Variants in PTPRD observed in about 807,000 individuals in gnomAD.
PTPRD encodes receptor-type tyrosine-protein phosphatase delta.
PTPRD carries 34 observed loss-of-function variants against 214.5 expected under a neutral mutation model. The ratio of observed to expected loss-of-function variants is 0.16; its 90% CI spans 0.12 to 0.21. The LOEUF is 0.21. PTPRD is among the 10% of genes least tolerant of loss of function. The pLI is 1.00. For missense variants in PTPRD, 2,545 were observed against 2,398.7 expected (o/e 1.06, Z -1.27); for synonymous variants, 1,128 against 845.7 (o/e 1.33, Z -5.79).
chr9:9,701,838 G>A (rs917993148), intron 7 of PTPRD, among the ~76,000 whole-genome samples: 1 of 152,116 alleles, frequency 6.6e-6, no homozygotes, highest in African/African-American at 2.4e-5. Context: ...TAAAGTATTG[G>A]CCAGGTGTGG....
chr9:8,915,866 C>T (rs2098782239), intron 11 of PTPRD, among the ~76,000 whole-genome samples: 1 of 152,196 alleles, frequency 6.6e-6, no homozygotes, highest in Non-Finnish European at 1.5e-5. Flanking sequence ...CTTAGAGATT[C>T]ACCCTGAATA....
At chr9:9,768,549 G>C (rs1035603216) in intron 5 of PTPRD, among the ~76,000 whole-genome samples, 2 of 152,062 alleles carry the variant, frequency 1.3e-5, no homozygotes, top group Admixed American at 6.5e-5. Context: ...TTTTACATCA[G>C]AGAAATCAAA....
chr9:8,804,560 G>T (rs889161354), intron 11 of PTPRD, among the ~76,000 whole-genome samples: 18 of 152,062 alleles, frequency 1.2e-4, no homozygotes, highest in African/African-American at 4.1e-4. Flanking sequence ...TCACGCCAAT[G>T]CACTGCAGTC....
chr9:10,117,996 TG>T (rs1282644348), intron 3 of PTPRD, among the ~76,000 whole-genome samples: 1 of 151,972 alleles, frequency 6.6e-6, no homozygotes, highest in Non-Finnish European at 1.5e-5. Flanking sequence ...CTTTCCCCCC[TG>T]GAAAAAATGT....
At chr9:8,687,729 G>C (rs1179239936) in intron 12 of PTPRD, among the ~76,000 whole-genome samples, 1 of 151,562 alleles carries the variant, frequency 6.6e-6, no homozygotes, top group Non-Finnish European at 1.5e-5. Flanking sequence ...GAGGTCCTTA[G>C]GTAAAATAAG....
At chr9:8,474,146 C>T (rs182969420) in intron 30 of PTPRD, among the ~76,000 whole-genome samples, 38 of 152,238 alleles carry the variant, frequency 2.5e-4, no homozygotes, top group African/African-American at 7.7e-4. Flanking sequence ...CCTGGCTTCC[C>T]ATCGCTTCCT....
intron 10 of PTPRD, among the ~76,000 whole-genome samples, chr9:9,170,393 G>A (rs2099912161): frequency 6.6e-6 from 1 of 152,150 alleles, no homozygotes. Flanking sequence ...AATAGATTGG[G>A]TGGTTTGATT....
chr9:8,716,992 C>T (rs1318592031), intron 12 of PTPRD, among the ~76,000 whole-genome samples: 1 of 152,044 alleles, frequency 6.6e-6, no homozygotes, highest in Non-Finnish European at 1.5e-5. Flanking sequence ...GTGGCAAAAC[C>T]CCTTGTCTAC....
intron 2 of PTPRD, among the ~76,000 whole-genome samples, chr9:10,555,337 A>G (rs984331227): frequency 6.6e-6 from 1 of 152,154 alleles, no homozygotes; most frequent in Non-Finnish European, 1.5e-5. Flanking sequence ...AATTCGCAAA[A>G]CGTTTTATCA....
At chr9:10,022,573 T>C (rs981942690) in intron 4 of PTPRD, among the ~76,000 whole-genome samples, 3 of 152,092 alleles carry the variant, frequency 2.0e-5, no homozygotes, top group Non-Finnish European at 2.9e-5. Flanking sequence ...GGAAAGAAAA[T>C]AAGGCCAAAA....
chr9:10,386,674 C>G (rs1299863723), intron 2 of PTPRD, among the ~76,000 whole-genome samples: 1 of 150,802 alleles, frequency 6.6e-6, no homozygotes, highest in African/African-American at 2.4e-5. Context: ...CAAAACAAAA[C>G]AAAACAAACA....
intron 11 of PTPRD, among the ~76,000 whole-genome samples, chr9:8,820,905 T>G (rs1233068749): frequency 6.6e-6 from 1 of 152,208 alleles, no homozygotes; most frequent in East Asian, 1.9e-4. Context: ...CTTATTTTTC[T>G]AACTCTTAAT....
chr9:8,440,146 T>C (rs2095499233), intron 34 of PTPRD, among the ~76,000 whole-genome samples: 1 of 151,778 alleles, frequency 6.6e-6, no homozygotes, highest in South Asian at 2.1e-4. Context: ...GAGAATGAGA[T>C]GAGCTTTCTC....
intron 3 of PTPRD, among the ~76,000 whole-genome samples, chr9:10,275,153 G>C (rs1162318887): frequency 2.6e-5 from 4 of 152,120 alleles, no homozygotes; most frequent in East Asian, 1.9e-4. Context: ...AGTGATTATA[G>C]ATTCCCAAAT....
chr9:8,493,867 A>T (rs765702044), intron 26 of PTPRD, among the ~76,000 whole-genome samples: 8 of 152,258 alleles, frequency 5.3e-5, no homozygotes, highest in Middle Eastern at 3.4e-3. Context: ...ATATTCCTTT[A>T]AACTGCAGGT....
intron 32 of PTPRD, among the ~76,000 whole-genome samples, chr9:8,463,210 T>C (rs982774350): frequency 1.3e-5 from 2 of 150,846 alleles, no homozygotes; most frequent in Non-Finnish European, 3.0e-5. Context: ...ATTTTCGTCA[T>C]TGTGCCCAGG....
intron 4 of PTPRD, among the ~76,000 whole-genome samples, chr9:10,016,595 A>C (rs553565518): frequency 1.3e-5 from 2 of 152,042 alleles, no homozygotes; most frequent in African/African-American, 4.8e-5. Context: ...AGAAATGTGG[A>C]GATTGTTTCC....
chr9:9,199,090 C>T (rs2099940365), intron 9 of PTPRD, among the ~76,000 whole-genome samples: 1 of 152,066 alleles, frequency 6.6e-6, no homozygotes, highest in South Asian at 2.1e-4. Flanking sequence ...CGGCTGAGAG[C>T]CTTAGGGCTT....
chr9:9,823,467 T>C (rs2051518740), intron 5 of PTPRD, among the ~76,000 whole-genome samples: 1 of 152,026 alleles, frequency 6.6e-6, no homozygotes, highest in Admixed American at 6.6e-5. Context: ...TCTCCAGCAT[T>C]GGGGATTACA....
Sources: gnomAD v4.1 joint callset for allele counts (sites outside exome capture counted in the v4.1 genomes callset) on GRCh38, gnomAD v4.1.1 for gene constraint, MANE v1.5 for transcripts, NCBI Gene and HGNC (gene_info 2026-07-23, HGNC 2026-07-21) for gene names.